SEC31B: variants seen among roughly 807,000 people sequenced by gnomAD.
SEC31B encodes the protein protein transport protein Sec31B.
In SEC31B, 113 loss-of-function variants were observed where a neutral mutation model predicts 135.0. The observed-to-expected ratio is 0.84, with a 90% CI of 0.72 to 0.98. The LOEUF is 0.98. SEC31B is among the 50% of genes least tolerant of loss of function. The pLI, the probability that SEC31B is intolerant of heterozygous loss-of-function variation, is 0.00. For missense variants in SEC31B, 1,296 were observed against 1,421.1 expected (o/e 0.91, Z 1.42); for synonymous variants, 508 against 549.4 (o/e 0.92, Z 1.05).
chr10:100,491,324 CCAGT>C (rs1448778648), intron 19 of SEC31B, among the ~76,000 whole-genome samples: 1 of 152,132 alleles, frequency 6.6e-6, no homozygotes, highest in Admixed American at 6.6e-5. Flanking sequence ...GAGAATTTCA[CCAGT>C]CAAAGAATTA....
At chr10:100,488,414 G>C (rs566855797) in intron 24 of SEC31B, among the ~76,000 whole-genome samples, 1 of 146,224 alleles carries the variant, frequency 6.8e-6, no homozygotes, top group East Asian at 2.0e-4. Context: ...AGCCGAGATC[G>C]CGCCACTGCA....
intron 18 of SEC31B, 94 bp from the exon 19 acceptor site, chr10:100,495,640 C>T: frequency 1.7e-6 from 2 of 1,199,668 alleles, no homozygotes; most frequent in Admixed American, 2.2e-5. Flanking sequence ...CTACACCAAG[C>T]TTGTCCAACC....
At chr10:100,511,634 T>G (rs780111226) in intron 3 of SEC31B, among the ~76,000 whole-genome samples, 2 of 152,236 alleles carry the variant, frequency 1.3e-5, no homozygotes, top group Non-Finnish European at 2.9e-5. Context: ...AAATATCTGC[T>G]GTATAAATTG....
chr10:100,498,324 A>G lies in SEC31B; in HGVS notation c.1685-117T>C, dbSNP rs1851453253. On this transcript the variant is annotated intron_variant, in intron 14 of 25. Transcript: ENST00000370345. ...ATATCACTCAGTGTGCTTGGCTCCA[A>G]ACTAAATCCTCAAGTTTCACTCCTT... 10 of 998,980 alleles carry G rather than the reference A, an allele frequency of 1.0e-5. 1 individual carries two copies. The South Asian group carries it at 1.6e-4, about 16-fold the overall frequency. 61.9% of individuals were successfully genotyped at this position (998,980 alleles called of 1,614,324 possible). A position where few individuals can be genotyped will look rare whatever the true frequency, so the allele number is the denominator to read the frequency against.
Position 100,499,190 on chromosome 10 carries a change from G to A in SEC31B, c.1554C>T (p.Asn518=). ...ESPQPKGNDL[N]SDRQQAFCSQ... ...TGCAGAAGGCCTGTTGTCTGTCACT[G>A]TTGAGGTCATTTCCCTTGGGCTGAG... The change falls in exon 13 of 26, where the codon AAC becomes AAT. Residue 518 remains asparagine (N), a synonymous_variant. Coordinates refer to ENST00000370345, the MANE Select transcript of SEC31B (RefSeq NM_015490.4). 2 of 1,614,058 alleles carry A rather than the reference G, an allele frequency of 1.2e-6. No homozygotes were observed. The highest frequency in any genetic ancestry group is 1.7e-6 in the Non-Finnish European group (2 of 1,179,996).
At chr10:100,515,951 A>G in intron 3 of SEC31B, 145 bp downstream of exon 3, 1 of 1,006,856 alleles carries the variant, frequency 9.9e-7, no homozygotes, top group Non-Finnish European at 1.5e-6. Context: ...CTTTTGCAAA[A>G]TAAGCCCAGA....
chr10:100,492,774 A>C (rs1477825915), intron 19 of SEC31B, among the ~76,000 whole-genome samples: 1 of 152,252 alleles, frequency 6.6e-6, no homozygotes, highest in African/African-American at 2.4e-5. Context: ...ACAATGAACA[A>C]GTGGAAACCA....
intron 11 of SEC31B, chr10:100,500,281 T>C (rs777099248): frequency 1.8e-5 from 8 of 444,638 alleles, no homozygotes; most frequent in Non-Finnish European, 3.6e-5. Context: ...TGCTGCCAAG[T>C]GTAGCCTACA....
intron 14 of SEC31B, 104 bp from the exon 15 acceptor site, chr10:100,498,311 G>A: frequency 9.0e-7 from 1 of 1,113,668 alleles, no homozygotes. Flanking sequence ...ATCACTCAGT[G>A]TGCTTGGCTC....
chr10:100,508,557 A>G (rs909605703), intron 5 of SEC31B: 1 of 462,312 alleles, frequency 2.2e-6, no homozygotes, highest in Non-Finnish European at 4.3e-6. Context: ...AAGACAGAAG[A>G]CCAGACCCCC....
chr10:100,513,526 G>A (rs542468303), intron 3 of SEC31B, among the ~76,000 whole-genome samples: 1 of 152,100 alleles, frequency 6.6e-6, no homozygotes, highest in South Asian at 2.1e-4. Context: ...GAGTGCAGTG[G>A]TACCATCTTG....
chr10:100,516,739 T>C (rs1299057302), intron 2 of SEC31B, 135 bp downstream of exon 2: 7 of 662,796 alleles, frequency 1.1e-5, no homozygotes, highest in African/African-American at 1.8e-5. Context: ...TAATATCTCC[T>C]TGCTTATGCT....
chr10:100,499,540 T>A lies in SEC31B; in HGVS notation c.1469A>T (p.Asp490Val), dbSNP rs778281606. The change falls in exon 12 of 26, where the codon GAT (aspartate) becomes GTT (valine). Residue 490 changes from aspartate (D) to valine (V), a missense_variant. By Grantham distance (152) the Asp-to-Val change is radical. Coordinates refer to ENST00000370345, the MANE Select transcript of SEC31B (RefSeq NM_015490.4). The stretch of plus-strand genomic sequence containing the variant: ...GCAGCTTACCTTCTTCTGAAGCTCA[T>A]CTTTACTGTATCCTAAAAGCTTTAG... ...KFLKLLGYSKDELQKKVATWL... is the reference protein window; with the variant it reads ...KFLKLLGYSKVELQKKVATWL... 6.2e-7 allele frequency: 1 copy of A among 1,611,100 alleles called. No individual in the cohort carries two copies. Among genetic ancestry groups the A allele is most frequent in the Non-Finnish European group, 8.5e-7 (1 of 1,178,912 alleles).
Position 100,495,236 on chromosome 10 carries a change from A to G in SEC31B, c.2472+149T>C, listed in dbSNP as rs888289021. On this transcript the variant is annotated intron_variant, in intron 19 of 25. Coordinates refer to ENST00000370345, the MANE Select transcript of SEC31B (RefSeq NM_015490.4). ...TCCTAAGAGCCTAGTAGTTCAATAA[A>G]CAGTTATTTATTATAAAAAGAACTG... The G allele has an allele frequency of 5.7e-5, 45 of 786,452 alleles. No individual in the cohort carries two copies. The African/African-American group carries it at 7.9e-4, about 14-fold the overall frequency. 48.7% of individuals were successfully genotyped at this position (786,452 alleles called of 1,614,324 possible). A position where few individuals can be genotyped will look rare whatever the true frequency, so the allele number is the denominator to read the frequency against.
chr10:100,508,973 C>T (rs1357918987), intron 5 of SEC31B, 34 bp downstream of exon 5: 1 of 1,524,698 alleles, frequency 6.6e-7, no homozygotes, highest in Admixed American at 1.7e-5. Flanking sequence ...ATCAGCTGCA[C>T]ACTCCAGGGT....
chr10:100,507,369 C>A (rs1298950244), intron 7 of SEC31B, 56 bp downstream of exon 7: 2 of 1,609,720 alleles, frequency 1.2e-6, no homozygotes, highest in African/African-American at 2.7e-5. Flanking sequence ...GCCTCCTACC[C>A]AGCCCAGTTA....
intron 10 of SEC31B, 44 bp from the exon 11 acceptor site, chr10:100,502,528 CA>C: frequency 7.8e-7 from 1 of 1,282,902 alleles, no homozygotes; most frequent in South Asian, 1.3e-5. Flanking sequence ...ACCTTCAAGT[CA>C]AAAAGTAACA....
chr10:100,498,394 A>C lies in SEC31B; in HGVS notation c.1685-187T>G. On this transcript the variant is annotated intron_variant, in intron 14 of 25. Coordinates refer to ENST00000370345, the MANE Select transcript of SEC31B (RefSeq NM_015490.4). ...GTGCCCAGGTCTAAAGACAGGGCCC[A>C]AGACAAGGGAGGGAACTGATGTGGC... The C allele has an allele frequency of 3.1e-6, 2 of 646,366 alleles. 1 individual carries two copies. The highest frequency in any genetic ancestry group is 8.4e-4 in the Middle Eastern group (2 of 2,374). The allele number at this position is 646,366 out of a possible 1,614,324, so 40.0% of individuals were successfully genotyped here.
At chr10:100,517,118 A>G (rs1050751449) in intron 1 of SEC31B, 121 bp from the exon 2 acceptor site, 1 of 603,510 alleles carries the variant, frequency 1.7e-6, no homozygotes, top group Non-Finnish European at 3.0e-6. Context: ...AGTGACAAAT[A>G]CATGACCATC....
Sources: gnomAD v4.1 joint callset for allele counts (sites outside exome capture counted in the v4.1 genomes callset) on GRCh38, gnomAD v4.1.1 for gene constraint, MANE v1.5 for transcripts, NCBI Gene and HGNC (gene_info 2026-07-23, HGNC 2026-07-21) for gene names.